The following TPO variants were observed in gnomAD, a reference collection of about 807,000 sequenced individuals.
The protein encoded by TPO is thyroid microsomal antigen.
TPO carries 78 observed loss-of-function variants against 96.9 expected under a neutral mutation model. The observed-to-expected ratio is 0.81, with a 90% CI of 0.67 to 0.97. The LOEUF (loss-of-function observed/expected upper bound fraction) is 0.97. Among genes scored for constraint, TPO ranks in the 50% least tolerant of loss-of-function variants. The probability of loss-of-function intolerance (pLI) is 0.00; values close to 1 mark genes in which losing one functional copy is unlikely to be tolerated. For synonymous variants in TPO, 547 were observed against 538.0 expected (o/e 1.02, Z -0.23); for missense variants, 1,252 against 1,274.8 (o/e 0.98, Z 0.27).
rs1680937933 is a variant in TPO at position 1,543,459 on chromosome 2, A to T, written c.*985A>T. On this transcript the variant is annotated 3_prime_UTR_variant, in exon 17 of 17. Coordinates refer to ENST00000329066, the MANE Select transcript of TPO (RefSeq NM_001206744.2). ...CACCCACGAATGACAACAGTGGCAC[A>T]GGAGGGCTATGAACATTTTGCTTCA... 6.6e-6 allele frequency: 1 copy of T among 152,216 alleles called. No individual in the cohort carries two copies. The highest frequency in any genetic ancestry group is 2.4e-5 in the African/African-American group (1 of 41,460). 9.4% of individuals were successfully genotyped at this position (152,216 alleles called of 1,614,324 possible).
chr2:1,489,193 T>G (rs77260836), intron 10 of TPO, among the ~76,000 whole-genome samples: 2 of 141,958 alleles, frequency 1.4e-5, no homozygotes, highest in Non-Finnish European at 1.5e-5. Flanking sequence ...CACATACCCA[T>G]CACATGCCCA....
At chr2:1,500,865 A>G (rs1672804638) in intron 13 of TPO, among the ~76,000 whole-genome samples, 2 of 151,582 alleles carry the variant, frequency 1.3e-5, no homozygotes, top group Admixed American at 1.3e-4. Context: ...CCAGCTACCC[A>G]GGAGGCTGAG....
At chr2:1,404,207 G>A (rs1387860353) in intron 1 of TPO, among the ~76,000 whole-genome samples, 1 of 152,180 alleles carries the variant, frequency 6.6e-6, no homozygotes, top group African/African-American at 2.4e-5. Flanking sequence ...CTTGCCAGGT[G>A]TTCTCCTTAG....
At chr2:1,537,005 C>T (rs1163404220) in intron 15 of TPO, among the ~76,000 whole-genome samples, 9 of 65,398 alleles carry the variant, frequency 1.4e-4, no homozygotes, top group Non-Finnish European at 3.0e-5. Flanking sequence ...ACCTCAAATC[C>T]CCCCACTGTG....
chr2:1,511,199 C>CAGCCCTGCAGACTGGGGGTGCCACAGCAA (rs1176716867), intron 14 of TPO, among the ~76,000 whole-genome samples: 3 of 148,740 alleles, frequency 2.0e-5, no homozygotes, highest in South Asian at 2.2e-4. Context: ...TGCCACAGCA[C>CAGCCCTGCAGACTGGGGGTGCCACAGCAA]AGCCCTGCAG....
rs1014226040 is a variant in TPO, at chr2:1,418,928, G to A, written c.95-4117G>A. Among the ~76,000 whole-genome samples the A allele has an allele frequency of 5.9e-5, 9 of 152,192 alleles. No homozygotes were observed. In the South Asian group the frequency reaches 1.5e-3, roughly 25 times the overall value. On this transcript the variant is annotated intron_variant, in intron 2 of 16. Transcript: ENST00000329066. ...ACACAACTCTAAACAGGAATCAAGC[G>A]CTTAGAATTAGGAGCAAAGCTCTGG...
intron 15 of TPO, among the ~76,000 whole-genome samples, chr2:1,528,948 G>T (rs1218027363): frequency 8.1e-5 from 10 of 123,514 alleles, no homozygotes; most frequent in African/African-American, 3.4e-4. Flanking sequence ...TCCTCCCAGT[G>T]TGCGCATCCT....
chr2:1,474,987 G>T (rs901581629), intron 7 of TPO, among the ~76,000 whole-genome samples: 1 of 152,000 alleles, frequency 6.6e-6, no homozygotes. Context: ...TAATTTCTTG[G>T]TTTTTGTTGT....
chr2:1,393,487 G>C (rs1662035184), intron 1 of TPO, among the ~76,000 whole-genome samples: 2 of 152,208 alleles, frequency 1.3e-5, no homozygotes, highest in African/African-American at 4.8e-5. Context: ...TGTTGGGGGA[G>C]GGCCTGGGCT....
chr2:1,501,169 T>A (rs568846258), intron 13 of TPO, among the ~76,000 whole-genome samples: 2 of 151,052 alleles, frequency 1.3e-5, no homozygotes, highest in East Asian at 3.9e-4. Flanking sequence ...CCAGTACTAA[T>A]TTACTTAGAG....
chr2:1,399,724 C>T (rs574210754), intron 1 of TPO, among the ~76,000 whole-genome samples: 26 of 152,306 alleles, frequency 1.7e-4, no homozygotes, highest in Non-Finnish European at 3.8e-4. Context: ...GGGCCTGGGG[C>T]TCCTGCCTCC....
chr2:1,496,235 G>C (rs781219946), intron 12 of TPO, 38 bp downstream of exon 12: 2 of 1,600,464 alleles, frequency 1.2e-6, no homozygotes, highest in Non-Finnish European at 1.7e-6. Flanking sequence ...GTTACAGCAC[G>C]TGCATCTCAT....
intron 10 of TPO, among the ~76,000 whole-genome samples, chr2:1,489,968 T>A (rs35839340): frequency 0.25 from 19,439 of 76,994 alleles, 2,455 homozygotes; most frequent in African/African-American, 0.35. Flanking sequence ...AGCCGCCACG[T>A]GGGTCCCACA....
chr2:1,405,580 C>T (rs965998640), intron 1 of TPO, among the ~76,000 whole-genome samples: 8 of 152,074 alleles, frequency 5.3e-5, no homozygotes, highest in Non-Finnish European at 1.2e-4. Flanking sequence ...TTCTTTCCAC[C>T]GACCTTTTAT....
At position 1,503,964 on chromosome 2, in the gene TPO, A is replaced by G. The variant is rs376280408; in HGVS notation, c.2403A>G (p.Ala801=). Residue 801 remains alanine (A), a synonymous_variant, in exon 14 of 17, where the codon GCA becomes GCG. Transcript: ENST00000329066. ...GTCTGGCAGATGTGAACGAGTGTGCAGACGGTGCCCACCCCCCCTGCCACG... is the reference window on the plus strand; with the variant it reads ...GTCTGGCAGATGTGAACGAGTGTGCGGACGGTGCCCACCCCCCCTGCCACG... ...PPLCKDVNEC[A]DGAHPPCHAS... The G allele has an allele frequency of 8.7e-6, 14 of 1,614,032 alleles. No homozygotes were observed. The highest frequency in any genetic ancestry group is 2.7e-5 in the African/African-American group (2 of 74,906).
chr2:1,503,616 C>G lies in TPO; in HGVS notation c.2387-332C>G, dbSNP rs144722648. Among the ~76,000 whole-genome samples the G allele has an allele frequency of 3.3e-3, 502 of 152,312 alleles. 5 individuals carry two copies. Among genetic ancestry groups the G allele is most frequent in the African/African-American group, 0.012 (479 of 41,584 alleles). On this transcript the variant is annotated intron_variant, in intron 13 of 16. Transcript: ENST00000329066. ...GCCCCACCCTCACCCTGGCCCCTTC[C>G]TGCCCCCGTGTCCTGCACTTGGCCA...
At chr2:1,500,733 G>A (rs1398834853) in intron 13 of TPO, among the ~76,000 whole-genome samples, 1 of 152,156 alleles carries the variant, frequency 6.6e-6, no homozygotes, top group Admixed American at 6.5e-5. Context: ...TTGGGAGGCC[G>A]AGGCAGGTGG....
chr2:1,500,753 T>C (rs1558370476), intron 13 of TPO, among the ~76,000 whole-genome samples: 1 of 151,890 alleles, frequency 6.6e-6, no homozygotes, highest in Non-Finnish European at 1.5e-5. Flanking sequence ...GATCATGAAG[T>C]CAGGAGTTCA....
intron 15 of TPO, among the ~76,000 whole-genome samples, chr2:1,534,663 A>ACC (rs536160810): frequency 1.6e-4 from 1 of 6,302 alleles, no homozygotes; most frequent in African/African-American, 4.9e-4. Context: ...GTCCCCAAAT[A>ACC]CCCCCCCCAC....
Sources: allele counts gnomAD v4.1 joint callset (sites outside exome capture counted in the v4.1 genomes callset), GRCh38; gene constraint gnomAD v4.1.1; transcripts MANE v1.5; gene names NCBI Gene and HGNC (gene_info 2026-07-23, HGNC 2026-07-21).